NPLOC4: variants seen among roughly 807,000 people sequenced by gnomAD.
The protein encoded by NPLOC4 is nuclear protein localization protein 4 homolog.
NPLOC4 carries 18 observed loss-of-function variants against 80.6 expected under a neutral mutation model. The ratio of observed to expected loss-of-function variants is 0.22; its 90% CI spans 0.15 to 0.33. The LOEUF (loss-of-function observed/expected upper bound fraction) is 0.33. NPLOC4 is among the 10% of genes least tolerant of loss of function. NPLOC4 has a pLI of 1.00. For missense variants in NPLOC4, 540 were observed against 786.1 expected (o/e 0.69, Z 3.74); for synonymous variants, 313 against 301.5 (o/e 1.04, Z -0.39).
At chr17:81,624,122 T>TA (rs1416708796) in intron 2 of NPLOC4, among the ~76,000 whole-genome samples, 5 of 151,734 alleles carry the variant, frequency 3.3e-5, no homozygotes, top group Admixed American at 6.6e-5. Context: ...CCATCTCTCC[T>TA]AAAAATACAA....
rs549435377 is a variant in NPLOC4 at position 81,625,092 on chromosome 17, G to GC, written c.97-2815dup. ...ATGGGACAGGATGGTGGGGATGAAG[G>GC]CAAGAGCACACTTTCCAGCAGTGGT... On this transcript the variant is annotated intron_variant, in intron 2 of 16. Transcript: ENST00000331134. 2.0e-5 allele frequency among the ~76,000 whole-genome samples: 3 copies of GC among 152,314 alleles called. No individual in the cohort carries two copies. In the East Asian group the frequency reaches 5.8e-4, roughly 29 times the overall value.
In NPLOC4 at chr17:81,577,683, C is replaced by T. The variant is rs1247970425; in HGVS notation, c.1282-5595G>A. 1.3e-5 allele frequency among the ~76,000 whole-genome samples: 2 copies of T among 152,200 alleles called. No individual in the cohort carries two copies. The highest frequency in any genetic ancestry group is 1.5e-5 in the Non-Finnish European group (1 of 68,030). On this transcript the variant is annotated intron_variant, in intron 12 of 16. Transcript: ENST00000331134. This position sits in a 1 kb window ranked among gnomAD's most constrained non-coding sequence, Gnocchi z 4.3. Reference sequence around the variant, plus strand: ...TGTCCTGCTCCATCTTCAAACTCTGCGTGCTGGCACCTGGACTCACCATCC... The same window carrying T: ...TGTCCTGCTCCATCTTCAAACTCTGTGTGCTGGCACCTGGACTCACCATCC...
intron 12 of NPLOC4, among the ~76,000 whole-genome samples, chr17:81,586,533 T>TC (rs2144127014): frequency 6.7e-6 from 1 of 149,600 alleles, no homozygotes; most frequent in East Asian, 2.0e-4. Context: ...TCGCTTGAAC[T>TC]CAAGGGGCGG....
chr17:81,620,830 G>A (rs529084445), intron 3 of NPLOC4, among the ~76,000 whole-genome samples: 2 of 152,038 alleles, frequency 1.3e-5, no homozygotes, highest in African/African-American at 4.8e-5. Context: ...TAATGGTTAC[G>A]TGTTCCAGAT....
intron 2 of NPLOC4, among the ~76,000 whole-genome samples, chr17:81,625,552 C>G (rs2035773397): frequency 6.6e-6 from 1 of 152,142 alleles, no homozygotes; most frequent in Non-Finnish European, 1.5e-5. Flanking sequence ...ACTGAACGGG[C>G]TTATCAGCAG....
chr17:81,563,932 A>T (rs1300453972), intron 16 of NPLOC4: 1 of 454,990 alleles, frequency 2.2e-6, no homozygotes, highest in Non-Finnish European at 4.4e-6. Context: ...TAAAGATGGC[A>T]ACGCCAGGTG....
intron 7 of NPLOC4, among the ~76,000 whole-genome samples, chr17:81,604,986 C>T (rs564891848): frequency 1.4e-4 from 21 of 152,090 alleles, no homozygotes; most frequent in Non-Finnish European, 2.5e-4. Context: ...CTGGGCTGGG[C>T]GCAGTGGCTC....
chr17:81,569,339 C>A (rs1185207395), intron 13 of NPLOC4, among the ~76,000 whole-genome samples: 1 of 152,254 alleles, frequency 6.6e-6, no homozygotes, highest in Non-Finnish European at 1.5e-5. Context: ...TCCGGGCAGC[C>A]TCCGGCCTGT....
At chr17:81,576,763 A>C (rs1466709386) in intron 12 of NPLOC4, among the ~76,000 whole-genome samples, 1 of 152,200 alleles carries the variant, frequency 6.6e-6, no homozygotes, top group Non-Finnish European at 1.5e-5. Flanking sequence ...CTACTCACAA[A>C]GAAAACAGTC....
intron 2 of NPLOC4, among the ~76,000 whole-genome samples, chr17:81,622,993 G>C (rs1344009656): frequency 6.6e-6 from 1 of 151,822 alleles, no homozygotes; most frequent in Non-Finnish European, 1.5e-5. Flanking sequence ...TTAGGAGTTC[G>C]AGACCAGCCT....
intron 12 of NPLOC4, chr17:81,588,117 A>T (rs1042616861): frequency 6.6e-6 from 1 of 152,252 alleles, no homozygotes; most frequent in East Asian, 1.9e-4. Context: ...TGCAGATGAG[A>T]CACTGTAGAA....
Position 81,637,036 on chromosome 17 carries a change from A to ACGCCGCCGC in NPLOC4, c.-115_-107dup. ...CCTCAGCCCCGGCCCCGGCCTCCCT[A>ACGCCGCCGC]CGCCGCCGCCACCGCCGCTCCAGCT... On this transcript the variant is annotated 5_prime_UTR_variant, in exon 1 of 17. Transcript: ENST00000331134. The ACGCCGCCGC allele has an allele frequency of 1.6e-6, 1 of 643,614 alleles. No homozygotes were observed. Among genetic ancestry groups the ACGCCGCCGC allele is most frequent in the Non-Finnish European group, 2.1e-6 (1 of 468,242 alleles). The allele number at this position is 643,614 out of a possible 1,614,324, so 39.9% of individuals were successfully genotyped here.
At chr17:81,571,257 A>T (rs759049577) in intron 13 of NPLOC4, among the ~76,000 whole-genome samples, 24 of 152,236 alleles carry the variant, frequency 1.6e-4, no homozygotes, top group Non-Finnish European at 2.6e-4. Flanking sequence ...GCAGCAGCAT[A>T]GGAAATGAGC....
intron 12 of NPLOC4, among the ~76,000 whole-genome samples, chr17:81,576,092 G>GT (rs1436286758): frequency 6.6e-6 from 1 of 152,228 alleles, no homozygotes; most frequent in African/African-American, 2.4e-5. Context: ...ATGACCAGAA[G>GT]TAAGACATGA....
At chr17:81,620,728 C>A (rs1453515923) in intron 3 of NPLOC4, among the ~76,000 whole-genome samples, 1 of 152,012 alleles carries the variant, frequency 6.6e-6, no homozygotes, top group Non-Finnish European at 1.5e-5. Context: ...GGAAGGAGGG[C>A]AAGAGCAGCG....
intron 3 of NPLOC4, among the ~76,000 whole-genome samples, chr17:81,621,595 T>C (rs2035669028): frequency 6.6e-6 from 1 of 152,206 alleles, no homozygotes; most frequent in African/African-American, 2.4e-5. Context: ...GTCAATACTT[T>C]CAGCTTTGCA....
chr17:81,574,462 C>G (rs1335606439), intron 12 of NPLOC4, among the ~76,000 whole-genome samples: 5 of 152,190 alleles, frequency 3.3e-5, no homozygotes, highest in African/African-American at 1.2e-4. Context: ...GGCCTACACA[C>G]CATTTTAAAA....
intron 4 of NPLOC4, among the ~76,000 whole-genome samples, chr17:81,612,207 G>A (rs919251761): frequency 1.3e-5 from 2 of 152,076 alleles, no homozygotes; most frequent in African/African-American, 2.4e-5. Context: ...CGAGGGCGCC[G>A]GCGGCCGTCC....
chr17:81,565,085 A>G, intron 16 of NPLOC4: 1 of 572,900 alleles, frequency 1.7e-6, no homozygotes. Flanking sequence ...ACCAGCAACA[A>G]CATGGATGCT....
Sources: gnomAD v4.1 joint callset for allele counts (sites outside exome capture counted in the v4.1 genomes callset) on GRCh38, gnomAD v4.1.1 for gene constraint, Gnocchi (gnomAD v3.1) non-coding constraint, MANE v1.5 for transcripts, NCBI Gene and HGNC (gene_info 2026-07-23, HGNC 2026-07-21) for gene names.